ASB9: variants seen among roughly 807,000 people sequenced by gnomAD.
ASB9 encodes the protein ankyrin repeat and SOCS box containing 9.
In ASB9, 5 loss-of-function variants were observed where a neutral mutation model predicts 16.6. The ratio of observed to expected loss-of-function variants is 0.30; its 90% CI spans 0.16 to 0.63. The LOEUF (loss-of-function observed/expected upper bound fraction) is 0.63, where lower values mean the gene tolerates loss of function less well. Ranked by LOEUF, ASB9 falls within the 30% of genes least tolerant of loss-of-function variation. The pLI is 0.82. For missense variants in ASB9, 216 were observed against 229.4 expected, an observed-to-expected ratio of 0.94 and a Z score of 0.38; for synonymous variants, 100 against 86.4, an observed-to-expected ratio of 1.16 and a Z score of -0.87.
rs774087650 is a variant in ASB9, at chrX:15,250,412, G to C, written c.568+18C>G. 3.9e-5 allele frequency: 46 copies of C among 1,194,056 alleles called. No individual in the cohort carries two copies. The African/African-American group carries it at 7.3e-4, about 19-fold the overall frequency. On this transcript the variant is annotated intron_variant, in intron 5 of 6. Transcript: ENST00000380488. ...CTTTTCGTTTTCTTTTCTTGTTTTGGTTTGCTTTTTGCTTTACCTGACTCC... is the reference window on the plus strand; with the variant it reads ...CTTTTCGTTTTCTTTTCTTGTTTTGCTTTGCTTTTTGCTTTACCTGACTCC...
chrX:15,259,872 C>T (rs868225179), intron 1 of ASB9, among the ~76,000 whole-genome samples: 1 of 112,189 alleles, frequency 8.9e-6, no homozygotes, highest in Non-Finnish European at 1.9e-5. Context: ...GTATATAAAA[C>T]ATAAATGCAT....
rs759761241 is a variant in ASB9, at chrX:15,246,820, G to A, written c.760+1924C>T. ...TTTAAAGCCAAAGTGCACTGGGTGA[G>A]GGGGGATGGGGGCTGCGGTCATGTT... On this transcript the variant is annotated intron_variant, in intron 6 of 6. Transcript: ENST00000380488. Among the ~76,000 whole-genome samples the A allele has an allele frequency of 2.0e-3, 226 of 111,634 alleles. 1 individual carries two copies. The highest frequency in any genetic ancestry group is 7.1e-3 in the African/African-American group (217 of 30,755).
intron 1 of ASB9, among the ~76,000 whole-genome samples, chrX:15,266,277 T>G (rs1340841956): frequency 8.9e-6 from 1 of 111,922 alleles, no homozygotes; most frequent in East Asian, 2.8e-4. Context: ...GCTCTCCAGG[T>G]GATGTAGAGG....
intron 1 of ASB9, among the ~76,000 whole-genome samples, chrX:15,267,554 C>T (rs1926612635): frequency 2.5e-5 from 2 of 81,404 alleles, no homozygotes; most frequent in Non-Finnish European, 4.6e-5. Context: ...ACCATCCTGG[C>T]TAACATGGTG....
intron 1 of ASB9, among the ~76,000 whole-genome samples, chrX:15,261,232 A>G (rs1925944454): frequency 8.9e-6 from 1 of 112,316 alleles, no homozygotes; most frequent in South Asian, 3.7e-4. Flanking sequence ...TGGTGCTGAT[A>G]ATGCCAAATA....
At chrX:15,262,056 AACTGGCTTCTTTTATTTAGC>A (rs1926007706) in intron 1 of ASB9, among the ~76,000 whole-genome samples, 1 of 111,083 alleles carries the variant, frequency 9.0e-6, no homozygotes, top group African/African-American at 3.3e-5. Context: ...GGTACTTTGC[AACTGGCTTCTTTTATTTAGC>A]ATGTTTCAAA....
chrX:15,257,984 G>T (rs1235569373), intron 2 of ASB9, among the ~76,000 whole-genome samples: 1 of 111,803 alleles, frequency 8.9e-6, no homozygotes, highest in Admixed American at 9.5e-5. Context: ...GTGCAGCAGG[G>T]CTACACCCAA....
At chrX:15,255,700 A>G (rs1315116178) in intron 2 of ASB9, among the ~76,000 whole-genome samples, 1 of 112,005 alleles carries the variant, frequency 8.9e-6, no homozygotes. Context: ...CTAAGTTTTA[A>G]CAAGCAATTA....
In ASB9 at chrX:15,244,476, A is replaced by G; in HGVS notation, c.*30T>C. On this transcript the variant is annotated 3_prime_UTR_variant, in exon 7 of 7. Transcript: ENST00000380488. ...CTACAACACTCAATAATGTTTTCAC[A>G]TCGTTTGTGAATCCATTCCCTAGAT... 8.5e-7 allele frequency: 1 copy of G among 1,176,580 alleles called. No homozygotes were observed. The highest frequency in any genetic ancestry group is 1.8e-5 in the African/African-American group (1 of 56,988).
At chrX:15,253,241 G>GAAAGAAA (rs1159867239) in intron 3 of ASB9, among the ~76,000 whole-genome samples, 1 of 103,504 alleles carries the variant, frequency 9.7e-6, no homozygotes, top group Non-Finnish European at 2.0e-5. Context: ...CTCAAAAAAA[G>GAAAGAAA]AAAGAAAAAA....
intron 5 of ASB9, 148 bp from the exon 6 acceptor site, chrX:15,249,083 C>T (rs769168740): frequency 8.1e-5 from 43 of 531,958 alleles, no homozygotes; most frequent in Non-Finnish European, 1.2e-4. Context: ...TGATGTGATT[C>T]CATTTAATAA....
intron 1 of ASB9, chrX:15,259,197 A>C: frequency 6.9e-6 from 2 of 288,466 alleles, no homozygotes; most frequent in South Asian, 1.3e-4. Flanking sequence ...AAAGAGGTGG[A>C]TTGGGATGAC....
chrX:15,244,162 C>T lies in ASB9; in HGVS notation c.*344G>A, dbSNP rs964564268. On this transcript the variant is annotated 3_prime_UTR_variant, in exon 7 of 7. Coordinates refer to ENST00000380488, the MANE Select transcript of ASB9 (RefSeq NM_001031739.3). Reference sequence around the variant, plus strand: ...TACTCTGGAAAATTGGACATCTTGACCCAGTGGCTGTGAGGGCTAAATTAG... The same window carrying T: ...TACTCTGGAAAATTGGACATCTTGATCCAGTGGCTGTGAGGGCTAAATTAG... 1 of 167,640 alleles carries T rather than the reference C, an allele frequency of 6.0e-6. No individual in the cohort carries two copies. The highest frequency in any genetic ancestry group is 7.8e-5 in the Admixed American group (1 of 12,852). 13.8% of individuals were successfully genotyped at this position (167,640 alleles called of 1,213,427 possible).
chrX:15,255,854 G>A (rs1267057513), intron 2 of ASB9, among the ~76,000 whole-genome samples: 1 of 111,804 alleles, frequency 8.9e-6, no homozygotes, highest in African/African-American at 3.2e-5. Flanking sequence ...AAATTGAAAT[G>A]TACCTATTAA....
Position 15,269,780 on chromosome X carries a change from C to A in ASB9, c.94+1G>T. The A allele has an allele frequency of 8.3e-7, 1 of 1,205,047 alleles. No individual in the cohort carries two copies. Among genetic ancestry groups the A allele is most frequent in the Non-Finnish European group, 1.1e-6 (1 of 891,698 alleles). On this transcript the variant is annotated splice_donor_variant, in intron 1 of 6. Coordinates refer to ENST00000380488, the MANE Select transcript of ASB9 (RefSeq NM_001031739.3). LOFTEE classifies it high-confidence loss of function. The stretch of plus-strand genomic sequence containing the variant: ...CTGATTCCACTGCCCCTATGACTCA[C>A]CGCCCATCAATGGGTTTGAAAGAAG...
intron 2 of ASB9, among the ~76,000 whole-genome samples, chrX:15,257,945 G>A (rs934440231): frequency 2.7e-5 from 3 of 111,584 alleles, no homozygotes; most frequent in African/African-American, 9.8e-5. Context: ...TCCTCAGGTA[G>A]CCAGTGGTCC....
chrX:15,251,897 C>A (rs1351864457), intron 4 of ASB9, among the ~76,000 whole-genome samples: 3 of 112,468 alleles, frequency 2.7e-5, no homozygotes, highest in Non-Finnish European at 5.6e-5. Context: ...ACGGATTCCA[C>A]AAATATTGAT....
intron 4 of ASB9, among the ~76,000 whole-genome samples, chrX:15,250,869 C>T (rs988372079): frequency 2.1e-4 from 23 of 111,489 alleles, no homozygotes; most frequent in Non-Finnish European, 4.1e-4. Context: ...TACAGGCGCC[C>T]GCCACCACAC....
At chrX:15,253,663 C>A (rs1925312728) in intron 3 of ASB9, among the ~76,000 whole-genome samples, 1 of 111,931 alleles carries the variant, frequency 8.9e-6, no homozygotes. Flanking sequence ...AAAGTATAAT[C>A]TTTGAGGCTA....
Sources: allele counts gnomAD v4.1 joint callset (sites outside exome capture counted in the v4.1 genomes callset), GRCh38; gene constraint gnomAD v4.1.1; transcripts MANE v1.5; gene names NCBI Gene and HGNC (gene_info 2026-07-23, HGNC 2026-07-21).